The following DIAPH3 variants were observed in gnomAD, a reference collection of about 807,000 sequenced individuals.
DIAPH3 encodes the protein diaphanous related formin 3.
DIAPH3 carries 117 observed loss-of-function variants against 144.3 expected under a neutral mutation model. That is an observed-to-expected ratio of 0.81 (90% CI 0.70 to 0.95). DIAPH3 has a LOEUF of 0.95. DIAPH3 is among the 40% of genes least tolerant of loss of function. The probability of loss-of-function intolerance (pLI) is 0.00; values close to 1 mark genes in which losing one functional copy is unlikely to be tolerated. For missense variants in DIAPH3, 1,421 were observed against 1,412.7 expected, an observed-to-expected ratio of 1.01 and a Z score of -0.09; for synonymous variants, 519 against 488.9, an observed-to-expected ratio of 1.06 and a Z score of -0.81.
At chr13:60,074,069 G>A (rs1332977989) in intron 4 of DIAPH3, among the ~76,000 whole-genome samples, 2 of 152,216 alleles carry the variant, frequency 1.3e-5, no homozygotes. Context: ...GGAGGCCACA[G>A]TAGGAGATGC....
At chr13:59,852,060 T>C (rs1201705911) in intron 22 of DIAPH3, among the ~76,000 whole-genome samples, 1 of 152,170 alleles carries the variant, frequency 6.6e-6, no homozygotes, top group Non-Finnish European at 1.5e-5. Context: ...CCTTTCCTTA[T>C]AGAGTCAAAA....
At chr13:59,980,896 C>T in intron 13 of DIAPH3, 37 bp from the exon 14 acceptor site, 1 of 1,539,814 alleles carries the variant, frequency 6.5e-7, no homozygotes, top group Non-Finnish European at 8.9e-7. Flanking sequence ...TAATGTGAAA[C>T]TTCTTAAACT....
intron 14 of DIAPH3, among the ~76,000 whole-genome samples, chr13:59,980,418 T>C (rs905883979): frequency 6.6e-6 from 1 of 151,592 alleles, no homozygotes; most frequent in Non-Finnish European, 1.5e-5. Flanking sequence ...TCAAAAAGGA[T>C]CTTTTTAGTT....
At chr13:59,916,387 C>G in intron 18 of DIAPH3, 138 bp from the exon 19 acceptor site, 3 of 702,506 alleles carry the variant, frequency 4.3e-6, no homozygotes, top group Non-Finnish European at 7.3e-6. Context: ...TTGGGGGAAA[C>G]ATATTATGGG....
chr13:60,044,607 A>G (rs2055931282), intron 4 of DIAPH3, among the ~76,000 whole-genome samples: 1 of 152,226 alleles, frequency 6.6e-6, no homozygotes, highest in African/African-American at 2.4e-5. Flanking sequence ...TTTAGAAAAC[A>G]CAGAAAAGCA....
chr13:59,993,295 A>G (rs2051957408), intron 9 of DIAPH3, among the ~76,000 whole-genome samples: 1 of 151,852 alleles, frequency 6.6e-6, no homozygotes, highest in Non-Finnish European at 1.5e-5. Context: ...ATCCCTGGCT[A>G]AAATATATCT....
In DIAPH3 at chr13:59,971,123, G is replaced by C. The variant is rs2050347578; in HGVS notation, c.1688C>G (p.Pro563Arg). Reference sequence around the variant, plus strand: ...GCCAGTTCCACCTTCTTTAGAGGGAGGCAAAGGAATATTACAATCAGCTGG... The same window carrying C: ...GCCAGTTCCACCTTCTTTAGAGGGACGCAAAGGAATATTACAATCAGCTGG... Reference protein sequence around the residue: ...ALPADCNIPLPPSKEGGTGHS... With the variant: ...ALPADCNIPLRPSKEGGTGHS... The change falls in exon 16 of 28, where the codon CCT becomes CGT. Residue 563 changes from proline to arginine, a missense_variant. Physicochemically the swap from Pro to Arg is moderately radical, Grantham distance 103. Transcript: ENST00000400324. 18 of 1,600,710 alleles carry C rather than the reference G, an allele frequency of 1.1e-5. No homozygotes were observed. Among genetic ancestry groups the C allele is most frequent in the Non-Finnish European group, 1.5e-5 (18 of 1,172,942 alleles).
At chr13:59,968,676 T>C (rs2050189229) in intron 17 of DIAPH3, among the ~76,000 whole-genome samples, 1 of 152,202 alleles carries the variant, frequency 6.6e-6, no homozygotes, top group South Asian at 2.1e-4. Flanking sequence ...TAATTTACAA[T>C]TACCTTTTGG....
At chr13:60,121,981 TC>T (rs1025490157) in intron 2 of DIAPH3, among the ~76,000 whole-genome samples, 22 of 152,020 alleles carry the variant, frequency 1.4e-4, no homozygotes, top group Admixed American at 1.1e-3. Context: ...CACTGCCCTC[TC>T]CCCCTACCAT....
At chr13:59,701,297 T>A (rs76646956) in intron 27 of DIAPH3, among the ~76,000 whole-genome samples, 3,899 of 152,304 alleles carry the variant, frequency 0.026, 183 homozygotes, top group African/African-American at 0.089. Context: ...TCATTATACA[T>A]CAATTAGATG....
intron 17 of DIAPH3, among the ~76,000 whole-genome samples, chr13:59,961,563 G>A (rs1039087285): frequency 2.0e-5 from 3 of 152,204 alleles, no homozygotes; most frequent in Non-Finnish European, 2.9e-5. Context: ...TGGAATGAGG[G>A]TGAACTGCTG....
rs185790554 is a variant in DIAPH3, at chr13:60,088,625, T to C, written c.495+5003A>G. On this transcript the variant is annotated intron_variant, in intron 4 of 27. Transcript: ENST00000400324. Reference sequence around the variant, plus strand: ...GAAAGGTATAATGTATGTTTATTTTTGAGGGGCGGGGAGGGGGACAGGGTC... The same window carrying C: ...GAAAGGTATAATGTATGTTTATTTTCGAGGGGCGGGGAGGGGGACAGGGTC... Among the ~76,000 whole-genome samples the C allele has an allele frequency of 1.8e-4, 28 of 152,232 alleles. No homozygotes were observed. The East Asian group carries it at 4.8e-3, about 26-fold the overall frequency.
At chr13:60,008,150 T>C (rs749642256) in intron 9 of DIAPH3, among the ~76,000 whole-genome samples, 6 of 152,058 alleles carry the variant, frequency 3.9e-5, no homozygotes, top group Non-Finnish European at 8.8e-5. Context: ...TCCCAGCACT[T>C]TGGGAGGCCG....
At chr13:60,025,875 T>C (rs1184488603) in intron 5 of DIAPH3, among the ~76,000 whole-genome samples, 1 of 151,690 alleles carries the variant, frequency 6.6e-6, no homozygotes, top group Non-Finnish European at 1.5e-5. Context: ...AAACAGAGAA[T>C]ATTAGAGGAG....
chr13:59,850,466 C>T (rs978771941), intron 22 of DIAPH3, among the ~76,000 whole-genome samples: 4 of 151,442 alleles, frequency 2.6e-5, no homozygotes, highest in Non-Finnish European at 4.4e-5. Flanking sequence ...CTGTCATAGA[C>T]AGCTCTTATT....
rs749405642 is a variant in DIAPH3 at position 59,992,111 on chromosome 13, A to C, written c.1201T>G (p.Phe401Val). 1.1e-5 allele frequency: 17 copies of C among 1,611,934 alleles called. No individual in the cohort carries two copies. The highest frequency in any genetic ancestry group is 1.4e-5 in the Non-Finnish European group (16 of 1,178,802). ...VFDEHKEEDLFELSHRLEDIR... is the reference protein window; with the variant it reads ...VFDEHKEEDLVELSHRLEDIR... ...TCTTCAAGGCGATGGGATAACTCAA[A>C]CAAATCTTCTTCTTTATGCTCATCA... The change falls in exon 11 of 28, where the codon TTT becomes GTT. Residue 401 changes from phenylalanine (F) to valine (V), a missense_variant. Physicochemically the swap from Phe to Val is conservative, Grantham distance 50. Transcript: ENST00000400324.
At chr13:59,871,810 G>C (rs935302200) in intron 21 of DIAPH3, among the ~76,000 whole-genome samples, 3 of 152,110 alleles carry the variant, frequency 2.0e-5, no homozygotes, top group Non-Finnish European at 2.9e-5. Flanking sequence ...ATTTCCTCTA[G>C]TGTGACTTTT....
intron 1 of DIAPH3, among the ~76,000 whole-genome samples, chr13:60,151,953 A>G (rs1349480742): frequency 6.6e-6 from 1 of 152,232 alleles, no homozygotes; most frequent in Non-Finnish European, 1.5e-5. Context: ...GAATTCAATC[A>G]AAGGTTTTAA....
chr13:59,928,848 G>A (rs2047879025), intron 17 of DIAPH3, among the ~76,000 whole-genome samples: 1 of 152,172 alleles, frequency 6.6e-6, no homozygotes, highest in Admixed American at 6.5e-5. Flanking sequence ...GTTCTGGGAA[G>A]ACTAGTCCTT....
Sources: gnomAD v4.1 joint callset for allele counts (sites outside exome capture counted in the v4.1 genomes callset) on GRCh38, gnomAD v4.1.1 for gene constraint, MANE v1.5 for transcripts, NCBI Gene and HGNC (gene_info 2026-07-23, HGNC 2026-07-21) for gene names.